The following TMEM156 variants were observed in gnomAD, a reference collection of about 807,000 sequenced individuals.
TMEM156 encodes transmembrane protein 156.
A neutral mutation model predicts 30.5 loss-of-function variants in TMEM156; 28 were observed. That is an observed-to-expected ratio of 0.92 (90% CI 0.68 to 1.26). The LOEUF (loss-of-function observed/expected upper bound fraction) is 1.26, where lower values mean the gene tolerates loss of function less well. Ranked by LOEUF, TMEM156 falls within the 50% of genes most tolerant of loss-of-function variation. The pLI, the probability that TMEM156 is intolerant of heterozygous loss-of-function variation, is 0.00. For synonymous variants in TMEM156, 137 were observed against 119.9 expected, an observed-to-expected ratio of 1.14 and a Z score of -0.93; for missense variants, 351 against 340.6, an observed-to-expected ratio of 1.03 and a Z score of -0.24.
In TMEM156 at chr4:38,998,741, G is replaced by T; in HGVS notation, c.257C>A (p.Thr86Asn). 1 of 1,613,872 alleles carries T rather than the reference G, an allele frequency of 6.2e-7. No individual in the cohort carries two copies. Among genetic ancestry groups the T allele is most frequent in the South Asian group, 1.1e-5 (1 of 91,076 alleles). ...NPSNFRNFTR[T>N]CQDITGEFKM... ...AAATTCACCTGTGATGTCTTGGCAAGTCCTGGTGAAGTTACGAAAATTGGA... is the reference window on the plus strand; with the variant it reads ...AAATTCACCTGTGATGTCTTGGCAATTCCTGGTGAAGTTACGAAAATTGGA... The change falls in exon 2 of 7, where the codon ACT becomes AAT. Residue 86 changes from threonine (T) to asparagine (N), a missense_variant. Transcript: ENST00000381938.
intron 3 of TMEM156, among the ~76,000 whole-genome samples, chr4:38,992,713 T>TTATATATA (rs1560366882): frequency 2.1e-5 from 1 of 46,642 alleles, no homozygotes; most frequent in African/African-American, 6.9e-5. Flanking sequence ...ATATATATAT[T>TTATATATA]ATATATATAT....
chr4:39,008,233 T>G (rs562069116), intron 1 of TMEM156, among the ~76,000 whole-genome samples: 1 of 152,278 alleles, frequency 6.6e-6, no homozygotes, highest in East Asian at 1.9e-4. Flanking sequence ...GTATCATCAT[T>G]GATAATATTT....
chr4:38,986,225 A>G lies in TMEM156; in HGVS notation c.823+111T>C, dbSNP rs113539558. 129 of 745,610 alleles carry G rather than the reference A, an allele frequency of 1.7e-4. No individual in the cohort carries two copies. In the African/African-American group the frequency reaches 2.0e-3, roughly 11 times the overall value. The allele number at this position is 745,610 out of a possible 1,614,324, so 46.2% of individuals were successfully genotyped here. ...CCCACAGCTCTGTTATTCCAGATAC[A>G]AGGCTAATTTACATAAGCTCAGATC... On this transcript the variant is annotated intron_variant, in intron 5 of 6. Coordinates refer to ENST00000381938, the MANE Select transcript of TMEM156 (RefSeq NM_024943.3).
Position 39,032,293 on chromosome 4 carries a change from A to G in TMEM156, c.21T>C (p.Leu7=). 1 of 1,609,544 alleles carries G rather than the reference A, an allele frequency of 6.2e-7. No individual in the cohort carries two copies. Among genetic ancestry groups the G allele is most frequent in the Non-Finnish European group, 8.5e-7 (1 of 1,177,274 alleles). ...TGATCACTATTGCCACAAATAATTT[A>G]AGGAGGGCTGTTTTTGTCATGTCTC... MTKTAL[L]KLFVAIVITF... Residue 7 remains leucine (L), a synonymous_variant, in exon 1 of 7, where the codon CTT becomes CTC. Coordinates refer to ENST00000381938, the MANE Select transcript of TMEM156 (RefSeq NM_024943.3).
At chr4:38,994,874 G>A (rs764367359) in intron 2 of TMEM156, among the ~76,000 whole-genome samples, 6 of 151,994 alleles carry the variant, frequency 3.9e-5, no homozygotes, top group Non-Finnish European at 5.9e-5. Flanking sequence ...GGAGGCAGAC[G>A]TTGCAGTGGG....
At chr4:39,003,680 C>T (rs924341122) in intron 1 of TMEM156, among the ~76,000 whole-genome samples, 1 of 152,048 alleles carries the variant, frequency 6.6e-6, no homozygotes, top group African/African-American at 2.4e-5. Flanking sequence ...ACTAATAATG[C>T]CCCAGGAAGG....
At chr4:38,972,459 C>T (rs1722649332) in intron 5 of TMEM156, among the ~76,000 whole-genome samples, 1 of 151,558 alleles carries the variant, frequency 6.6e-6, no homozygotes, top group Admixed American at 6.6e-5. Context: ...CCATGTTGGC[C>T]AGGCTGGTCT....
chr4:38,994,666 G>C (rs966124458), intron 2 of TMEM156, among the ~76,000 whole-genome samples: 2 of 152,134 alleles, frequency 1.3e-5, no homozygotes, highest in Non-Finnish European at 2.9e-5. Context: ...ACAGAAGTTT[G>C]GGCCAAGCAC....
At chr4:39,010,116 A>G (rs1055770284) in intron 1 of TMEM156, among the ~76,000 whole-genome samples, 1 of 152,174 alleles carries the variant, frequency 6.6e-6, no homozygotes, top group South Asian at 2.1e-4. Flanking sequence ...CTGAGAATCA[A>G]ATGAAGAATG....
intron 6 of TMEM156, among the ~76,000 whole-genome samples, chr4:38,968,814 C>T (rs1722463340): frequency 6.6e-6 from 1 of 152,158 alleles, no homozygotes; most frequent in African/African-American, 2.4e-5. Flanking sequence ...GCCATCGACG[C>T]TGGATCCCTT....
chr4:38,995,217 AC>A (rs1271201831), intron 2 of TMEM156, among the ~76,000 whole-genome samples: 1 of 152,098 alleles, frequency 6.6e-6, no homozygotes. Context: ...CATCCTAATG[AC>A]CTCATCTTAA....
intron 5 of TMEM156, among the ~76,000 whole-genome samples, chr4:38,983,232 G>C (rs11946488): frequency 6.6e-5 from 10 of 151,880 alleles, no homozygotes; most frequent in Non-Finnish European, 1.2e-4. Context: ...TGTTGTTTCT[G>C]TGGGCTACCT....
intron 1 of TMEM156, among the ~76,000 whole-genome samples, chr4:39,004,925 C>A (rs151326522): frequency 2.6e-5 from 4 of 152,202 alleles, no homozygotes; most frequent in Admixed American, 6.5e-5. Flanking sequence ...AAGACCTGTA[C>A]GTGAATTTTT....
chr4:39,021,229 C>A (rs1223201778), intron 1 of TMEM156, among the ~76,000 whole-genome samples: 1 of 151,638 alleles, frequency 6.6e-6, no homozygotes, highest in Non-Finnish European at 1.5e-5. Context: ...ATAGTGAGAC[C>A]CCGTCTCTAC....
intron 6 of TMEM156, among the ~76,000 whole-genome samples, chr4:38,969,437 A>G (rs4974983): frequency 0.82 from 124,907 of 152,242 alleles, 52,309 homozygotes; most frequent in East Asian, 1. Context: ...CAAATATTTC[A>G]TTGTATATAT....
At chr4:39,003,372 T>C (rs1713511418) in intron 1 of TMEM156, among the ~76,000 whole-genome samples, 1 of 152,176 alleles carries the variant, frequency 6.6e-6, no homozygotes, top group African/African-American at 2.4e-5. Flanking sequence ...TTTGCTCTTG[T>C]TGCCTAGGCT....
chr4:39,031,875 T>A (rs1357487847), intron 1 of TMEM156, among the ~76,000 whole-genome samples: 106 of 80,650 alleles, frequency 1.3e-3, no homozygotes, highest in Admixed American at 8.2e-3. Context: ...AGAGACTCCA[T>A]CTCAAAAAAA....
rs1003958670 is a variant in TMEM156, at chr4:38,999,814, G to A, written c.89-905C>T. ...CCATAGTCATATTGCTTTCTCCTCT[G>A]TGTCTCTGTTTCTACTAGCCAAAAA... On this transcript the variant is annotated intron_variant, in intron 1 of 6. Transcript: ENST00000381938. Among the ~76,000 whole-genome samples the A allele has an allele frequency of 1.2e-4, 19 of 152,130 alleles. 1 individual carries two copies. The highest frequency in any genetic ancestry group is 1.0e-3 in the South Asian group (5 of 4,832).
rs561079762 is a variant in TMEM156, at chr4:39,027,537, C to A, written c.88+4689G>T. On this transcript the variant is annotated intron_variant, in intron 1 of 6. Coordinates refer to ENST00000381938, the MANE Select transcript of TMEM156 (RefSeq NM_024943.3). ...GATAAAATTAGGTCTGAGGTGTTTT[C>A]ATCTATACTATTCCTTTTTTTTTTT... Among the ~76,000 whole-genome samples, 133 of 142,836 alleles carry A rather than the reference C, an allele frequency of 9.3e-4. 1 individual carries two copies. Among genetic ancestry groups the A allele is most frequent in the African/African-American group, 3.1e-3 (123 of 39,370 alleles). 93.7% of individuals were successfully genotyped at this position (142,836 alleles called of 152,430 possible). A position where few individuals can be genotyped will look rare whatever the true frequency, so the allele number is the denominator to read the frequency against.
Sources: gnomAD v4.1 joint callset for allele counts (sites outside exome capture counted in the v4.1 genomes callset) on GRCh38, gnomAD v4.1.1 for gene constraint, MANE v1.5 for transcripts, NCBI Gene and HGNC (gene_info 2026-07-23, HGNC 2026-07-21) for gene names.